The following SAMD5 variants were observed in gnomAD, a reference collection of about 807,000 sequenced individuals.
SAMD5 encodes sterile alpha motif domain containing 5.
In SAMD5, 13 loss-of-function variants were observed where a neutral mutation model predicts 11.3. The observed-to-expected ratio is 1.15, with a 90% CI of 0.75 to 1.83. The LOEUF (loss-of-function observed/expected upper bound fraction) is 1.83. Ranked by LOEUF, SAMD5 falls within the 40% of genes most tolerant of loss-of-function variation. The pLI is 0.00. For synonymous variants in SAMD5, 129 were observed against 111.3 expected, an observed-to-expected ratio of 1.16 and a Z score of -1.00; for missense variants, 255 against 239.1, an observed-to-expected ratio of 1.07 and a Z score of -0.44.
the SAMD5 span, among the ~76,000 whole-genome samples, chr6:147,859,579 T>A: frequency 6.6e-6 from 1 of 152,204 alleles, no homozygotes; most frequent in Non-Finnish European, 1.5e-5. Context: ...TTATCCAGTT[T>A]TTAGATAAAC....
chr6:147,876,344 C>G, the SAMD5 span, among the ~76,000 whole-genome samples: 1 of 152,162 alleles, frequency 6.6e-6, no homozygotes, highest in African/African-American at 2.4e-5. Flanking sequence ...CTCTAGTGCA[C>G]TGTTTCAGAA....
the SAMD5 span, among the ~76,000 whole-genome samples, chr6:147,861,108 T>G: frequency 6.6e-6 from 1 of 152,072 alleles, no homozygotes; most frequent in African/African-American, 2.4e-5. Flanking sequence ...GCTCCAATGG[T>G]TAGCAGTTGG....
At chr6:147,849,948 T>C in the SAMD5 span, among the ~76,000 whole-genome samples, 2 of 152,254 alleles carry the variant, frequency 1.3e-5, no homozygotes, top group Non-Finnish European at 2.9e-5. Flanking sequence ...AAGAGTGACA[T>C]ACTTTTGGTA....
intron 1 of SAMD5, among the ~76,000 whole-genome samples, chr6:147,556,755 A>T (rs1052293898): frequency 6.7e-6 from 1 of 150,098 alleles, no homozygotes; most frequent in South Asian, 2.1e-4. Context: ...TTAAACTCTC[A>T]TTCTTCAATA....
chr6:147,605,906 G>T (rs1789692736), intron 1 of SAMD5, among the ~76,000 whole-genome samples: 1 of 151,966 alleles, frequency 6.6e-6, no homozygotes, highest in Non-Finnish European at 1.5e-5. Context: ...TATGTTTGAG[G>T]CACGGAGTGC....
At chr6:147,938,743 C>A in the SAMD5 span, among the ~76,000 whole-genome samples, 2 of 152,184 alleles carry the variant, frequency 1.3e-5, no homozygotes, top group African/African-American at 4.8e-5. Context: ...GAGTAGGTTG[C>A]TTGAACTGGG....
intron 1 of SAMD5, among the ~76,000 whole-genome samples, chr6:147,713,568 C>T (rs1362622540): frequency 6.6e-6 from 1 of 152,112 alleles, no homozygotes; most frequent in Non-Finnish European, 1.5e-5. Flanking sequence ...ATCATGAAAT[C>T]TCATGCATAA....
intron 1 of SAMD5, among the ~76,000 whole-genome samples, chr6:147,691,928 AAG>A (rs1791109043): frequency 1.3e-5 from 2 of 152,054 alleles, no homozygotes; most frequent in Admixed American, 6.6e-5. Flanking sequence ...TTGCAATTTG[AAG>A]AGTTACAGCC....
At chr6:147,868,083 A>T in the SAMD5 span, among the ~76,000 whole-genome samples, 2 of 152,246 alleles carry the variant, frequency 1.3e-5, no homozygotes, top group Admixed American at 1.3e-4. Context: ...GACTGAAGCT[A>T]GAAATATCAT....
intron 1 of SAMD5, among the ~76,000 whole-genome samples, chr6:147,725,203 A>T (rs567873730): frequency 5.3e-4 from 81 of 152,264 alleles, no homozygotes; most frequent in African/African-American, 1.9e-3. Context: ...TACGTTTTTA[A>T]TCAGTTGGGG....
the SAMD5 span, among the ~76,000 whole-genome samples, chr6:147,921,274 A>AACACACACAC: frequency 0.1 from 14,403 of 140,864 alleles, 976 homozygotes; most frequent in African/African-American, 0.18. Flanking sequence ...GAGAGTATAA[A>AACACACACAC]ACACACACAC....
intron 1 of SAMD5, among the ~76,000 whole-genome samples, chr6:147,735,912 A>C (rs1419130886): frequency 6.6e-6 from 1 of 152,180 alleles, no homozygotes; most frequent in African/African-American, 2.4e-5. Flanking sequence ...CCTAGCTTCA[A>C]AACCTGCTCT....
intron 1 of SAMD5, among the ~76,000 whole-genome samples, chr6:147,683,286 G>T (rs1790965326): frequency 6.6e-6 from 1 of 152,170 alleles, no homozygotes; most frequent in African/African-American, 2.4e-5. Flanking sequence ...TGAGAGAGTT[G>T]CAAAATAATC....
chr6:147,542,332 A>AT (rs1788619069), intron 1 of SAMD5, among the ~76,000 whole-genome samples: 1 of 152,142 alleles, frequency 6.6e-6, no homozygotes, highest in African/African-American at 2.4e-5. Flanking sequence ...AAGCCCCCAA[A>AT]TTTGTAACCA....
the SAMD5 span, among the ~76,000 whole-genome samples, chr6:147,891,773 A>C: frequency 7.9e-5 from 12 of 152,174 alleles, no homozygotes; most frequent in Middle Eastern, 3.4e-3. Flanking sequence ...CCACCGTGAC[A>C]GAGTTTAAAT....
At chr6:147,543,021 T>C (rs1021606941) in intron 1 of SAMD5, among the ~76,000 whole-genome samples, 73 of 151,970 alleles carry the variant, frequency 4.8e-4, no homozygotes, top group African/African-American at 1.7e-3. Flanking sequence ...CAAAGACGGT[T>C]TCAGGATTGG....
chr6:147,751,234 T>C, the SAMD5 span, among the ~76,000 whole-genome samples: 1 of 152,154 alleles, frequency 6.6e-6, no homozygotes, highest in Non-Finnish European at 1.5e-5. Flanking sequence ...GAAGTTAGAA[T>C]TGCAACTCCC....
intron 1 of SAMD5, among the ~76,000 whole-genome samples, chr6:147,587,939 A>G (rs887273950): frequency 3.9e-5 from 6 of 152,158 alleles, no homozygotes; most frequent in African/African-American, 1.4e-4. Context: ...CAACTTGGAA[A>G]CTTTCAGTGT....
At chr6:147,926,629 G>T in the SAMD5 span, among the ~76,000 whole-genome samples, 1 of 151,750 alleles carries the variant, frequency 6.6e-6, no homozygotes, top group South Asian at 2.1e-4. Context: ...TGGATTGTCT[G>T]TTTATTCTGT....
Sources: allele counts gnomAD v4.1 joint callset (sites outside exome capture counted in the v4.1 genomes callset), GRCh38; gene constraint gnomAD v4.1.1; transcripts MANE v1.5; gene names NCBI Gene and HGNC (gene_info 2026-07-23, HGNC 2026-07-21).